The following BAZ1B variants were observed in gnomAD, a reference collection of about 807,000 sequenced individuals.
BAZ1B encodes bromodomain adjacent to zinc finger domain 1B.
A neutral mutation model predicts 153.8 loss-of-function variants in BAZ1B; 22 were observed. That is an observed-to-expected ratio of 0.14 (90% CI 0.10 to 0.20). The LOEUF is 0.20. BAZ1B is among the 10% of genes least tolerant of loss of function. The pLI, the probability that BAZ1B is intolerant of heterozygous loss-of-function variation, is 1.00. For missense variants in BAZ1B, 1,325 were observed against 1,799.3 expected, an observed-to-expected ratio of 0.74 and a Z score of 4.77; for synonymous variants, 676 against 633.4, an observed-to-expected ratio of 1.07 and a Z score of -1.01.
chr7:73,445,015 A>T (rs956797208), intron 16 of BAZ1B, among the ~76,000 whole-genome samples: 1 of 91,482 alleles, frequency 1.1e-5, no homozygotes, highest in African/African-American at 4.7e-5. Flanking sequence ...ACTCCATCTC[A>T]CAAAAGAAAA....
intron 9 of BAZ1B, among the ~76,000 whole-genome samples, chr7:73,469,300 C>T (rs1426896745): frequency 1.3e-5 from 2 of 152,194 alleles, no homozygotes; most frequent in African/African-American, 4.8e-5. Flanking sequence ...TCAAGCTCTT[C>T]ATCTTCTCAC....
Position 73,447,269 on chromosome 7 carries a change from A to G in BAZ1B, c.3839T>C (p.Leu1280Ser), listed in dbSNP as rs1787872044. The change falls in exon 16 of 20, where the codon TTG becomes TCG. Residue 1280 changes from leucine to serine, a missense_variant. Leu to Ser is a moderately radical substitution (Grantham distance 145, BLOSUM62 -2). Around this residue, in one of 9 missense-constraint regions of BAZ1B, gnomAD observed 271 missense variants for 337.2 expected, o/e 0.80. Transcript: ENST00000339594. ...EEEEDYEVAG[L>S]RLRPRKTIRG... ...AAGGCAGACAAAATACTTACATCGC[A>G]AACCAGCCACCTCATAATCTTCTTC... 6.2e-7 allele frequency: 1 copy of G among 1,613,768 alleles called. No homozygotes were observed. The highest frequency in any genetic ancestry group is 8.5e-7 in the Non-Finnish European group (1 of 1,179,920).
In BAZ1B at chr7:73,459,509, A is replaced by C. The variant is rs199737564; in HGVS notation, c.3432+27T>G. 32 of 1,601,750 alleles carry C rather than the reference A, an allele frequency of 2.0e-5. No individual in the cohort carries two copies. In the East Asian group the frequency reaches 6.7e-4, roughly 34 times the overall value. On this transcript the variant is annotated intron_variant, in intron 13 of 19. Coordinates refer to ENST00000339594, the MANE Select transcript of BAZ1B (RefSeq NM_032408.4). ...CAAATCAACTCATCTACGGAATCAT[A>C]AACTACAACTTATAACAACAAAATA...
Position 73,477,909 on chromosome 7 carries a change from A to G in BAZ1B, c.1552T>C (p.Leu518=). 2 of 1,614,146 alleles carry G rather than the reference A, an allele frequency of 1.2e-6. No homozygotes were observed. The highest frequency in any genetic ancestry group is 4.5e-5 in the East Asian group (2 of 44,886). Residue 518 remains leucine (L), a synonymous_variant, in exon 7 of 20, where the codon TTG becomes CTG. Coordinates refer to ENST00000339594, the MANE Select transcript of BAZ1B (RefSeq NM_032408.4). The surrounding 1 kb of genome is among the most constrained non-coding windows in gnomAD (Gnocchi z 5.6). ...TAGCGTTTTTGAACAAGACTTCGCA[A>G]TTCTTCTGGGAGACGAGCTCTATCT... ...SEDRARLPEE[L]RSLVQKRYEL... is the part of the protein sequence containing the mutation.
intron 3 of BAZ1B, among the ~76,000 whole-genome samples, chr7:73,502,682 G>A (rs142924265): frequency 6.6e-6 from 1 of 152,304 alleles, no homozygotes; most frequent in East Asian, 1.9e-4. Flanking sequence ...GGAGATTGAG[G>A]TGGGAGGATG....
At chr7:73,495,731 C>T (rs532821094) in intron 4 of BAZ1B, among the ~76,000 whole-genome samples, 37 of 152,252 alleles carry the variant, frequency 2.4e-4, no homozygotes, top group African/African-American at 6.0e-4. Context: ...TCCTTTGCAG[C>T]GACATGAATG....
At chr7:73,466,257 A>T (rs1788579552) in intron 10 of BAZ1B, 39 bp downstream of exon 10, 1 of 1,431,466 alleles carries the variant, frequency 7.0e-7, no homozygotes, top group South Asian at 1.2e-5. Context: ...AACAATTAAA[A>T]GGAAAAAGAA....
chr7:73,453,469 C>A (rs1741747781), intron 13 of BAZ1B, among the ~76,000 whole-genome samples: 1 of 152,170 alleles, frequency 6.6e-6, no homozygotes, highest in South Asian at 2.1e-4. Context: ...GAGAAGGAAG[C>A]ACTGTTGCAG....
At chr7:73,457,156 T>G (rs1563367929) in intron 13 of BAZ1B, among the ~76,000 whole-genome samples, 1 of 151,860 alleles carries the variant, frequency 6.6e-6, no homozygotes, top group Non-Finnish European at 1.5e-5. Context: ...AAGCAGGGAC[T>G]CAAATATTTG....
Position 73,510,771 on chromosome 7 carries a change from C to T in BAZ1B, c.189G>A (p.Lys63=), listed in dbSNP as rs1790545088. 5.6e-6 allele frequency: 9 copies of T among 1,614,114 alleles called. No homozygotes were observed. Among genetic ancestry groups the T allele is most frequent in the Non-Finnish European group, 7.6e-6 (9 of 1,180,006 alleles). Residue 63 remains lysine (K), a synonymous_variant, in exon 2 of 20, where the codon AAG becomes AAA. Coordinates refer to ENST00000339594, the MANE Select transcript of BAZ1B (RefSeq NM_032408.4). ...CTTCCTGTTCTTCCTCCCAGGCTTC[C>T]TTGTGTGTTAGCTGACTGCTTCCAG... ...KSTGSSQLTH[K]EAWEEEQEVA...
intron 4 of BAZ1B, among the ~76,000 whole-genome samples, chr7:73,496,552 T>C (rs1007104559): frequency 1.3e-5 from 2 of 152,170 alleles, no homozygotes; most frequent in Non-Finnish European, 1.5e-5. Flanking sequence ...ACCAAACACT[T>C]GGTGCACCTA....
chr7:73,515,115 C>G (rs908380616), intron 1 of BAZ1B, among the ~76,000 whole-genome samples: 3 of 152,142 alleles, frequency 2.0e-5, no homozygotes, highest in African/African-American at 4.8e-5. Context: ...TCACGACGAA[C>G]TCATCACACC....
At chr7:73,453,122 T>C (rs1788076175) in intron 13 of BAZ1B, among the ~76,000 whole-genome samples, 1 of 152,222 alleles carries the variant, frequency 6.6e-6, no homozygotes, top group African/African-American at 2.4e-5. Context: ...TGAAAAAACT[T>C]TGGCCCTTGC....
chr7:73,476,929 G>C lies in BAZ1B; in HGVS notation c.2532C>G (p.Ser844Arg). 1.9e-6 allele frequency: 3 copies of C among 1,613,108 alleles called. No homozygotes were observed. The highest frequency in any genetic ancestry group is 2.5e-6 in the Non-Finnish European group (3 of 1,179,838). ...EAEDMISAVK[S>R]RRLLAIQAKK... ...TAGCTTGAATGGCAAGCAACCTTCT[G>C]CTCTTCACAGCACTAATCATGTCTT... is the stretch of plus-strand genomic sequence containing the variant. The change falls in exon 7 of 20, where the codon AGC (serine) becomes AGG (arginine). Residue 844 changes from serine to arginine, a missense_variant. Coordinates refer to ENST00000339594, the MANE Select transcript of BAZ1B (RefSeq NM_032408.4).
rs1554576659 is a variant in BAZ1B at position 73,498,520 on chromosome 7, T to C, written c.548A>G (p.Asp183Gly). 1 of 1,614,024 alleles carries C rather than the reference T, an allele frequency of 6.2e-7. No homozygotes were observed. Among genetic ancestry groups the C allele is most frequent in the South Asian group, 1.1e-5 (1 of 91,084 alleles). ...ACTAATACTCTCTCTCCTTCCTTCATCCTCTTTCACAACTGTCTCCTTCTT... is the reference window on the plus strand; with the variant it reads ...ACTAATACTCTCTCTCCTTCCTTCACCCTCTTTCACAACTGTCTCCTTCTT... Reference protein sequence around the residue: ...HQKKETVVKEDEGRRESINDR... With the variant: ...HQKKETVVKEGEGRRESINDR... The change falls in exon 4 of 20, where the codon GAT becomes GGT. Residue 183 changes from aspartate to glycine, a missense_variant. Physicochemically the swap from Asp to Gly is moderately conservative, Grantham distance 94. Transcript: ENST00000339594.
chr7:73,508,295 G>GTT, intron 3 of BAZ1B, 32 bp downstream of exon 3: 1 of 1,604,678 alleles, frequency 6.2e-7, no homozygotes, highest in Non-Finnish European at 8.5e-7. Context: ...AATTCTGATG[G>GTT]TAAGTCAAAT....
intron 3 of BAZ1B, among the ~76,000 whole-genome samples, chr7:73,500,469 G>A (rs1329161090): frequency 6.6e-6 from 1 of 152,120 alleles, no homozygotes; most frequent in East Asian, 1.9e-4. Flanking sequence ...CTTGAGCCTG[G>A]GACGTTGAAG....
chr7:73,511,922 TCAGGAGGCTGAGG>T (rs112825762), intron 1 of BAZ1B, among the ~76,000 whole-genome samples: 14 of 144,424 alleles, frequency 9.7e-5, no homozygotes, highest in African/African-American at 3.6e-4. Context: ...TCCCAGCTAC[TCAGGAGGCTGAGG>T]CAGGAGAATC....
chr7:73,469,994 A>T (rs1307873422), intron 8 of BAZ1B, among the ~76,000 whole-genome samples: 1 of 152,168 alleles, frequency 6.6e-6, no homozygotes, highest in Non-Finnish European at 1.5e-5. Context: ...GGTGTGAACC[A>T]CCACGCCCAG....
Sources: allele counts gnomAD v4.1 joint callset (sites outside exome capture counted in the v4.1 genomes callset), GRCh38; gene constraint gnomAD v4.1.1; regional missense constraint gnomAD v4.1.1; non-coding constraint Gnocchi (gnomAD v3.1); transcripts MANE v1.5; gene names NCBI Gene and HGNC (gene_info 2026-07-23, HGNC 2026-07-21).